Variants in NAA38 observed in about 807,000 individuals in gnomAD.
NAA38 encodes LSM domain containing 1.
NAA38 carries 15 observed loss-of-function variants against 12.6 expected under a neutral mutation model. That is an observed-to-expected ratio of 1.19 (90% CI 0.79 to 1.83). The LOEUF (loss-of-function observed/expected upper bound fraction) is 1.83, where lower values mean the gene tolerates loss of function less well. NAA38 is among the 40% of genes most tolerant of loss of function. The probability of loss-of-function intolerance (pLI) is 0.00; values close to 1 mark genes in which losing one functional copy is unlikely to be tolerated. For synonymous variants in NAA38, 88 were observed against 69.9 expected, an observed-to-expected ratio of 1.26 and a Z score of -1.29; for missense variants, 183 against 171.7, an observed-to-expected ratio of 1.07 and a Z score of -0.37.
intron 2 of NAA38, among the ~76,000 whole-genome samples, chr17:7,878,233 T>C (rs747635727): frequency 2.2e-4 from 33 of 152,250 alleles, no homozygotes; most frequent in Admixed American, 3.9e-4. Flanking sequence ...AAAAATAGTA[T>C]GCATATAATG....
In NAA38 at chr17:7,856,685, T is replaced by G; in HGVS notation, c.*46A>C. The G allele has an allele frequency of 6.7e-7, 1 of 1,491,876 alleles. No individual in the cohort carries two copies. Among genetic ancestry groups the G allele is most frequent in the Non-Finnish European group, 9.3e-7 (1 of 1,070,520 alleles). The allele number at this position is 1,491,876 out of a possible 1,614,324, so 92.4% of individuals were successfully genotyped here. A position where few individuals can be genotyped will look rare whatever the true frequency, so the allele number is the denominator to read the frequency against. ...CCAGCTACACACAGACACAGGCCCA[T>G]TCGGTCATAAGTTTAATGAAGTCTG... is the stretch of plus-strand genomic sequence containing the variant. On this transcript the variant is annotated 3_prime_UTR_variant, in exon 3 of 3. Coordinates refer to ENST00000575771, the MANE Select transcript of NAA38 (RefSeq NM_001320925.4).
chr17:7,878,381 T>TAAA (rs57414300), intron 2 of NAA38, among the ~76,000 whole-genome samples: 4 of 145,486 alleles, frequency 2.7e-5, no homozygotes, highest in African/African-American at 1.0e-4. Context: ...CAATAAAATG[T>TAAA]AAAAAAAAAA....
chr17:7,866,610 T>A, intron 2 of NAA38: 2 of 916,518 alleles, frequency 2.2e-6, no homozygotes, highest in Non-Finnish European at 2.9e-6. Flanking sequence ...GCTGTTCCTC[T>A]GTGTGGAACA....
At chr17:7,873,896 G>T (rs11078711) in intron 2 of NAA38, among the ~76,000 whole-genome samples, 10,790 of 152,202 alleles carry the variant, frequency 0.071, 704 homozygotes, top group East Asian at 0.37. Flanking sequence ...GTAAGGAGAA[G>T]GTTTTGAGGA....
At chr17:7,858,788 CATT>C, upstream of NAA38, 1 of 1,573,230 alleles carries the variant, frequency 6.4e-7, no homozygotes, top group African/African-American at 1.4e-5. Flanking sequence ...GCATCCGCAT[CATT>C]AACACGCTCA....
rs1195257256 is a variant in NAA38, at chr17:7,856,708, C to A, written c.*23G>T. On this transcript the variant is annotated 3_prime_UTR_variant, in exon 3 of 3. Transcript: ENST00000575771. ...CATTCGGTCATAAGTTTAATGAAGT[C>A]TGAAAGGTAAGCGCCATCGTGGTCA... is the stretch of plus-strand genomic sequence containing the variant. The A allele has an allele frequency of 1.8e-5, 28 of 1,592,594 alleles. No individual in the cohort carries two copies. The highest frequency in any genetic ancestry group is 2.3e-5 in the Non-Finnish European group (27 of 1,160,904).
At chr17:7,859,487 G>C (rs776247225), upstream of NAA38, 19 of 1,614,036 alleles carry the variant, frequency 1.2e-5, no homozygotes, top group East Asian at 4.0e-4. Context: ...CCTGAACATG[G>C]ATTTTACCCT....
At chr17:7,857,840 G>A (rs889136562), upstream of NAA38, 30 of 1,360,382 alleles carry the variant, frequency 2.2e-5, no homozygotes, top group Admixed American at 4.0e-4. Flanking sequence ...AAAACGGAGC[G>A]TATTCGTTCT....
intron 2 of NAA38, among the ~76,000 whole-genome samples, chr17:7,867,085 T>C (rs965658604): frequency 6.6e-6 from 1 of 152,118 alleles, no homozygotes; most frequent in African/African-American, 2.4e-5. Context: ...GAGAGAATGG[T>C]TCCTGCACAG....
At chr17:7,862,543 GCCTGGCCAA>G (rs2078890036), upstream of NAA38, 1 of 152,140 alleles carries the variant, frequency 6.6e-6, no homozygotes, top group Non-Finnish European at 1.5e-5. Context: ...TTCAAGACCA[GCCTGGCCAA>G]CCTGGCAAAA....
intron 2 of NAA38, among the ~76,000 whole-genome samples, chr17:7,870,729 A>G (rs55680968): frequency 0.072 from 10,873 of 151,998 alleles, 704 homozygotes; most frequent in East Asian, 0.38. Flanking sequence ...TAAAAAAAAT[A>G]CACAAAAATT....
At chr17:7,858,039 C>G (rs1243802026), upstream of NAA38, 1 of 1,553,600 alleles carries the variant, frequency 6.4e-7, no homozygotes, top group Non-Finnish European at 8.7e-7. Context: ...GCTCTCCCCT[C>G]GGCTCCCGGA....
upstream of NAA38, chr17:7,859,692 G>A (rs879015952): frequency 5.4e-6 from 7 of 1,298,394 alleles, no homozygotes; most frequent in South Asian, 8.7e-5. Context: ...AAGTGGTGGG[G>A]CCGAGGGGTG....
chr17:7,857,283 C>G (rs778867111), intron 1 of NAA38, 85 bp from the exon 2 acceptor site: 2 of 1,610,876 alleles, frequency 1.2e-6, no homozygotes, highest in Non-Finnish European at 1.7e-6. Flanking sequence ...CCGCGGGGCA[C>G]TCACACAAAG....
intron 2 of NAA38, among the ~76,000 whole-genome samples, chr17:7,880,942 A>C (rs1967260907): frequency 6.6e-6 from 1 of 152,200 alleles, no homozygotes; most frequent in Non-Finnish European, 1.5e-5. Context: ...AACACTTGGT[A>C]GAATCAAAAA....
At chr17:7,858,902 A>G (rs946846385), upstream of NAA38, 6 of 1,310,768 alleles carry the variant, frequency 4.6e-6, no homozygotes, top group Admixed American at 1.1e-4. Flanking sequence ...TCAGGGCAAC[A>G]TTTTTTCCAT....
intron 2 of NAA38, among the ~76,000 whole-genome samples, chr17:7,881,313 G>A (rs549926993): frequency 1.2e-4 from 19 of 152,172 alleles, no homozygotes; most frequent in Admixed American, 6.5e-4. Context: ...AAGAAGAGAC[G>A]TGGACAGCAA....
chr17:7,881,855 G>T (rs1369161955), intron 2 of NAA38, among the ~76,000 whole-genome samples: 1 of 151,000 alleles, frequency 6.6e-6, no homozygotes, highest in Non-Finnish European at 1.5e-5. Context: ...GATGGCTAGA[G>T]AGAGAGTGGT....
intron 3 of NAA38, chr17:7,865,700 A>G (rs548310137): frequency 2.6e-5 from 4 of 152,198 alleles, no homozygotes; most frequent in African/African-American, 9.7e-5. Context: ...TAAGAAGAAC[A>G]TGTGGGATGT....
Sources: allele counts gnomAD v4.1 joint callset (sites outside exome capture counted in the v4.1 genomes callset), GRCh38; gene constraint gnomAD v4.1.1; transcripts MANE v1.5; gene names NCBI Gene and HGNC (gene_info 2026-07-23, HGNC 2026-07-21).